The following MEOX2 variants were observed in gnomAD, a reference collection of about 807,000 sequenced individuals.
The protein encoded by MEOX2 is mesenchyme homeobox 2.
MEOX2 carries 11 observed loss-of-function variants against 27.0 expected under a neutral mutation model. The observed-to-expected ratio is 0.41, with a 90% confidence interval of 0.26 to 0.68. The LOEUF is 0.68. MEOX2 is among the 30% of genes least tolerant of loss of function. The pLI, the probability that MEOX2 is intolerant of heterozygous loss-of-function variation, is 0.33. For synonymous variants in MEOX2, 189 were observed against 155.4 expected (o/e 1.22, Z -1.61); for missense variants, 436 against 385.4 (o/e 1.13, Z -1.10).
At chr7:15,676,914 C>T (rs1013029119) in intron 1 of MEOX2, among the ~76,000 whole-genome samples, 1 of 151,840 alleles carries the variant, frequency 6.6e-6, no homozygotes, top group Admixed American at 6.6e-5. Flanking sequence ...TGCACTCTTC[C>T]TGAAAACAGC....
intron 1 of MEOX2, among the ~76,000 whole-genome samples, chr7:15,663,887 G>T (rs1278222209): frequency 6.6e-6 from 1 of 152,046 alleles, no homozygotes; most frequent in East Asian, 1.9e-4. Context: ...CTCCTAATTA[G>T]GCTCTTGCTC....
At chr7:15,650,254 C>T (rs559479624) in intron 1 of MEOX2, among the ~76,000 whole-genome samples, 1 of 152,194 alleles carries the variant, frequency 6.6e-6, no homozygotes, top group African/African-American at 2.4e-5. Context: ...GGCTCAAAAT[C>T]ATTAAAGAGT....
Position 15,612,404 on chromosome 7 carries a change from C to G in MEOX2, c.898G>C (p.Glu300Gln). 6.2e-7 allele frequency: 1 copy of G among 1,614,060 alleles called. No homozygotes were observed. Among genetic ancestry groups the G allele is most frequent in the East Asian group, 2.2e-5 (1 of 44,884 alleles). The change falls in exon 3 of 3, where the codon GAG becomes CAG. Residue 300 changes from glutamate to glutamine, a missense_variant. By Grantham distance (29) the Glu-to-Gln change is conservative (BLOSUM62 2). Coordinates refer to ENST00000262041, the MANE Select transcript of MEOX2 (RefSeq NM_005924.5). ...TGTTTATATCATAAGTGCGCATGCT[C>G]TGAGCTGTGGTCACTGTCGTGACTG... is the stretch of plus-strand genomic sequence containing the variant. The part of the protein sequence containing the change: ...EDSHDSDHSS[E>Q]HAHL
chr7:15,649,521 T>C (rs1432138529), intron 1 of MEOX2, among the ~76,000 whole-genome samples: 1 of 151,518 alleles, frequency 6.6e-6, no homozygotes, highest in Non-Finnish European at 1.5e-5. Context: ...AAGGACAGAG[T>C]TTCTGCTATG....
chr7:15,638,836 T>C (rs1562601602), intron 1 of MEOX2, among the ~76,000 whole-genome samples: 2 of 152,196 alleles, frequency 1.3e-5, no homozygotes, highest in South Asian at 2.1e-4. Flanking sequence ...GGCTCCATAA[T>C]ATTCCATGGT....
At chr7:15,639,754 T>G (rs1781532223) in intron 1 of MEOX2, among the ~76,000 whole-genome samples, 1 of 152,136 alleles carries the variant, frequency 6.6e-6, no homozygotes, top group African/African-American at 2.4e-5. Context: ...GTTGACTTTG[T>G]TGGAGATCAG....
chr7:15,661,709 A>T (rs1263492376), intron 1 of MEOX2, among the ~76,000 whole-genome samples: 1 of 152,200 alleles, frequency 6.6e-6, no homozygotes, highest in African/African-American at 2.4e-5. Context: ...ATGGCTGGTA[A>T]CGATTAGGGC....
chr7:15,627,531 T>C (rs552869667), intron 1 of MEOX2, among the ~76,000 whole-genome samples: 1 of 152,092 alleles, frequency 6.6e-6, no homozygotes, highest in African/African-American at 2.4e-5. Flanking sequence ...TGTGTTCATA[T>C]GACTTAAACT....
rs552136114 is a variant in MEOX2, at chr7:15,612,850, A to C, written c.691-239T>G. 2.6e-5 allele frequency among the ~76,000 whole-genome samples: 4 copies of C among 152,340 alleles called. No homozygotes were observed. In the South Asian group the frequency reaches 8.3e-4, roughly 32 times the overall value. On this transcript the variant is annotated intron_variant, in intron 2 of 2. Coordinates refer to ENST00000262041, the MANE Select transcript of MEOX2 (RefSeq NM_005924.5). The stretch of plus-strand genomic sequence containing the variant: ...ACTATATTTGTATTTTACAGCATAC[A>C]ATGTAAAATATGGAACTAAACAAAA...
At chr7:15,671,851 G>A (rs556442979) in intron 1 of MEOX2, among the ~76,000 whole-genome samples, 16 of 152,258 alleles carry the variant, frequency 1.1e-4, no homozygotes, top group African/African-American at 3.6e-4. Flanking sequence ...GAGGTCAGGA[G>A]TTCAAGACCA....
Position 15,686,030 on chromosome 7 carries a change from G to C in MEOX2, c.373C>G (p.Pro125Ala). 5 of 1,606,562 alleles carry C rather than the reference G, an allele frequency of 3.1e-6. No homozygotes were observed. The highest frequency in any genetic ancestry group is 4.2e-6 in the Non-Finnish European group (5 of 1,179,380). Reference sequence around the variant, plus strand: ...CTGGAAGAGTTGGAGCACAGGACGGGCGGGCTGCTCCCCAACTCTGGGGGC... The same window carrying C: ...CTGGAAGAGTTGGAGCACAGGACGGCCGGGCTGCTCCCCAACTCTGGGGGC... ...GGPPELGSSP[P>A]VLCSNSSSLG... The change falls in exon 1 of 3, where the codon CCC (proline) becomes GCC (alanine). Residue 125 changes from proline (P) to alanine (A), a missense_variant. Coordinates refer to ENST00000262041, the MANE Select transcript of MEOX2 (RefSeq NM_005924.5).
At chr7:15,684,625 A>G (rs1200286913) in intron 1 of MEOX2, among the ~76,000 whole-genome samples, 1 of 152,198 alleles carries the variant, frequency 6.6e-6, no homozygotes, top group Non-Finnish European at 1.5e-5. Context: ...ATTTTCATTT[A>G]TGTGGCATCT....
At chr7:15,619,540 G>A (rs1781183150) in intron 2 of MEOX2, among the ~76,000 whole-genome samples, 1 of 151,854 alleles carries the variant, frequency 6.6e-6, no homozygotes, top group Non-Finnish European at 1.5e-5. Flanking sequence ...AAGAATCAGA[G>A]GAGCAAATTT....
At chr7:15,616,875 A>G (rs1781131553) in intron 2 of MEOX2, among the ~76,000 whole-genome samples, 1 of 152,012 alleles carries the variant, frequency 6.6e-6, no homozygotes, top group African/African-American at 2.4e-5. Context: ...CAAATAAAAC[A>G]TAGTCCCTGC....
chr7:15,672,658 C>T (rs747438794), intron 1 of MEOX2, among the ~76,000 whole-genome samples: 10 of 151,846 alleles, frequency 6.6e-5, no homozygotes, highest in Non-Finnish European at 1.3e-4. Flanking sequence ...TTTGGGAGGC[C>T]AAGGTGGGCG....
chr7:15,625,022 G>A (rs905992463), intron 2 of MEOX2, among the ~76,000 whole-genome samples: 10 of 152,044 alleles, frequency 6.6e-5, no homozygotes, highest in Non-Finnish European at 1.0e-4. Context: ...ACAGATAACC[G>A]TAGACCACCC....
intron 2 of MEOX2, among the ~76,000 whole-genome samples, chr7:15,613,449 T>C (rs771007836): frequency 6.6e-6 from 1 of 151,696 alleles, no homozygotes; most frequent in Non-Finnish European, 1.5e-5. Context: ...AACTAGAATA[T>C]AATTGGCATT....
rs576101396 is a variant in MEOX2 at position 15,616,901 on chromosome 7, G to A, written c.691-4290C>T. On this transcript the variant is annotated intron_variant, in intron 2 of 2. Transcript: ENST00000262041. ...TAGTCCCTGCCCTTAAGGTATTCAC[G>A]GTCAAGAAAATGGAGGAAATGTAAA... Among the ~76,000 whole-genome samples the A allele has an allele frequency of 5.9e-5, 9 of 151,930 alleles. No homozygotes were observed. In the South Asian group the frequency reaches 1.2e-3, roughly 21 times the overall value.
At chr7:15,617,253 T>C (rs957642839) in intron 2 of MEOX2, among the ~76,000 whole-genome samples, 1 of 152,228 alleles carries the variant, frequency 6.6e-6, no homozygotes, top group Middle Eastern at 3.4e-3. Flanking sequence ...TCCAACTGTT[T>C]CCATTTTTAT....
Sources: allele counts gnomAD v4.1 joint callset (sites outside exome capture counted in the v4.1 genomes callset), GRCh38; gene constraint gnomAD v4.1.1; transcripts MANE v1.5; gene names NCBI Gene and HGNC (gene_info 2026-07-23, HGNC 2026-07-21).